The following STMP1 variants were observed in gnomAD, a reference collection of about 807,000 sequenced individuals.
STMP1 encodes the protein mitolamban.
Under a neutral mutation model 7.0 loss-of-function variants are expected in STMP1, and 7 were observed. The observed-to-expected ratio is 1.01, with a 90% CI of 0.57 to 1.89. The LOEUF is 1.89. Ranked by LOEUF, STMP1 falls within the 40% of genes most tolerant of loss-of-function variation. STMP1 has a pLI of 0.00. For missense variants in STMP1, 45 were observed against 53.0 expected, an observed-to-expected ratio of 0.85 and a Z score of 0.47; for synonymous variants, 19 against 18.4, an observed-to-expected ratio of 1.03 and a Z score of -0.08.
At chr7:135,669,814 A>G (rs535457259) in intron 1 of STMP1, among the ~76,000 whole-genome samples, 1 of 152,380 alleles carries the variant, frequency 6.6e-6, no homozygotes, top group Admixed American at 6.5e-5. Context: ...AAAGTGTGAT[A>G]ATGACATAAA....
intron 1 of STMP1, among the ~76,000 whole-genome samples, chr7:135,666,384 T>C (rs547835835): frequency 6.6e-6 from 1 of 152,334 alleles, no homozygotes; most frequent in South Asian, 2.1e-4. Context: ...CGTCTCACTC[T>C]GTCACCCAGG....
chr7:135,662,618 G>A, intron 1 of STMP1, 24 bp downstream of exon 1: 1 of 1,545,216 alleles, frequency 6.5e-7, no homozygotes, highest in East Asian at 2.5e-5. Context: ...CCGAAGAGCG[G>A]GGCCCGCTGC....
At chr7:135,673,912 TGAGTGACA>T (rs1394649397) in intron 2 of STMP1, among the ~76,000 whole-genome samples, 171 bp from the exon 3 acceptor site, 5 of 152,168 alleles carry the variant, frequency 3.3e-5, no homozygotes, top group Non-Finnish European at 5.9e-5. Flanking sequence ...CCCTCCAGCC[TGAGTGACA>T]GAGTGAAACC....
chr7:135,663,462 G>GGCCTCC (rs1795257796), intron 1 of STMP1, among the ~76,000 whole-genome samples: 1 of 150,674 alleles, frequency 6.6e-6, no homozygotes, highest in South Asian at 2.1e-4. Context: ...CTCCCTCCTC[G>GGCCTCC]GCCTCCGGAG....
chr7:135,662,749 C>G lies in STMP1; in HGVS notation c.15+155C>G, dbSNP rs553105268. On this transcript the variant is annotated intron_variant, in intron 1 of 2. Coordinates refer to ENST00000507606, the MANE Select transcript of STMP1 (RefSeq NM_001130929.2). ...CCTGGTCGTCGCCTCGCAGGGCGGC[C>G]GTTTTCTTCCTGCCTCCCCAGAAAA... 1.4e-4 allele frequency among the ~76,000 whole-genome samples: 21 copies of G among 152,348 alleles called. No individual in the cohort carries two copies. The South Asian group carries it at 4.1e-3, about 30-fold the overall frequency.
intron 1 of STMP1, among the ~76,000 whole-genome samples, chr7:135,665,390 C>G (rs1251891283): frequency 6.6e-6 from 1 of 152,160 alleles, no homozygotes; most frequent in East Asian, 1.9e-4. Flanking sequence ...TTGTCCCTAT[C>G]TTGAAGAGAC....
At chr7:135,666,858 T>C (rs771662912) in intron 1 of STMP1, among the ~76,000 whole-genome samples, 10 of 152,238 alleles carry the variant, frequency 6.6e-5, no homozygotes, top group Non-Finnish European at 1.0e-4. Context: ...TGTGGATATG[T>C]ATTTCAGTTC....
chr7:135,664,062 A>G (rs975427591), intron 1 of STMP1, among the ~76,000 whole-genome samples: 1 of 152,236 alleles, frequency 6.6e-6, no homozygotes, highest in Non-Finnish European at 1.5e-5. Context: ...TAATCTGCCC[A>G]GCTAAGACAG....
chr7:135,662,677 G>T (rs993964382), intron 1 of STMP1, 83 bp downstream of exon 1: 2 of 1,470,684 alleles, frequency 1.4e-6, no homozygotes, highest in Non-Finnish European at 1.8e-6. Flanking sequence ...TGCCGACCCC[G>T]CCGACCCGGC....
At chr7:135,663,934 G>A (rs1227747250) in intron 1 of STMP1, among the ~76,000 whole-genome samples, 3 of 152,222 alleles carry the variant, frequency 2.0e-5, no homozygotes, top group East Asian at 1.9e-4. Flanking sequence ...GTGAGCCTCC[G>A]CGCCCGGCCC....
At position 135,676,322 on chromosome 7, in the gene STMP1, C is replaced by G. The variant is rs531797570; in HGVS notation, c.*2157C>G. ...TGTAGACGTGGACGTAAATATCCAC[C>G]TCATAGGGTTTTCATAAAAAATAAT... is the stretch of plus-strand genomic sequence containing the variant. On this transcript the variant is annotated 3_prime_UTR_variant, in exon 3 of 3. Transcript: ENST00000507606. 2 of 152,274 alleles carry G rather than the reference C, an allele frequency of 1.3e-5. No individual in the cohort carries two copies. Among genetic ancestry groups the G allele is most frequent in the African/African-American group, 4.8e-5 (2 of 41,552 alleles). The allele number at this position is 152,274 out of a possible 1,614,324, so 9.4% of individuals were successfully genotyped here. A position where few individuals can be genotyped will look rare whatever the true frequency, so the allele number is the denominator to read the frequency against.
intron 1 of STMP1, among the ~76,000 whole-genome samples, chr7:135,668,996 C>A (rs1214151661): frequency 2.0e-5 from 3 of 152,190 alleles, no homozygotes; most frequent in Non-Finnish European, 4.4e-5. Flanking sequence ...GCTGGGGAGG[C>A]CTCAATCATG....
In STMP1 at chr7:135,671,594, T is replaced by C. The variant is rs541524024; in HGVS notation, c.16-1159T>C. ...AGGAGCCTTGGCCCTTTTGGATATA[T>C]CTAAATTTTCATGAACCAGTTTTTG... On this transcript the variant is annotated intron_variant, in intron 1 of 2. Coordinates refer to ENST00000507606, the MANE Select transcript of STMP1 (RefSeq NM_001130929.2). Among the ~76,000 whole-genome samples the C allele has an allele frequency of 3.3e-5, 5 of 152,318 alleles. No individual in the cohort carries two copies. In the East Asian group the frequency reaches 9.6e-4, roughly 29 times the overall value.
chr7:135,664,186 C>A (rs924535942), intron 1 of STMP1, among the ~76,000 whole-genome samples: 1 of 152,144 alleles, frequency 6.6e-6, no homozygotes, highest in Non-Finnish European at 1.5e-5. Flanking sequence ...AAAGCGGTAT[C>A]ACTTAGCTCC....
chr7:135,665,384 C>G (rs949574269), intron 1 of STMP1, among the ~76,000 whole-genome samples: 1 of 152,188 alleles, frequency 6.6e-6, no homozygotes, highest in African/African-American at 2.4e-5. Flanking sequence ...CTCCCTTTGT[C>G]CCTATCTTGA....
intron 1 of STMP1, among the ~76,000 whole-genome samples, chr7:135,664,339 T>A (rs1412318546): frequency 6.7e-6 from 1 of 149,790 alleles, no homozygotes; most frequent in Non-Finnish European, 1.5e-5. Flanking sequence ...TTTTACTGTG[T>A]GTTAATTTTT....
rs1000530772 is a variant in STMP1 at position 135,662,529 on chromosome 7, C to T, written c.-51C>T. On this transcript the variant is annotated 5_prime_UTR_variant, in exon 1 of 3. Transcript: ENST00000507606. Reference sequence around the variant, plus strand: ...ATGGGGAGGTAGGCTCGGACCGGCCCGCGGAGCTGCTGCAGTCCTTCGCGC... The same window carrying T: ...ATGGGGAGGTAGGCTCGGACCGGCCTGCGGAGCTGCTGCAGTCCTTCGCGC... The T allele has an allele frequency of 1.1e-5, 17 of 1,536,324 alleles. No homozygotes were observed. The highest frequency in any genetic ancestry group is 2.0e-5 in the Admixed American group (1 of 49,948).
intron 1 of STMP1, among the ~76,000 whole-genome samples, chr7:135,663,348 A>T (rs563419575): frequency 1.1e-3 from 169 of 151,500 alleles, no homozygotes; most frequent in African/African-American, 3.8e-3. Flanking sequence ...ATTTTTTTTT[A>T]TTTTTTATTT....
At chr7:135,672,865 C>A (rs1037093140) in intron 2 of STMP1, 59 bp downstream of exon 2, 1 of 1,421,170 alleles carries the variant, frequency 7.0e-7, no homozygotes, top group Non-Finnish European at 9.7e-7. Context: ...AGTGACTTTT[C>A]TTTGTTTGAG....
Sources: allele counts gnomAD v4.1 joint callset (sites outside exome capture counted in the v4.1 genomes callset), GRCh38; gene constraint gnomAD v4.1.1; transcripts MANE v1.5; gene names NCBI Gene and HGNC (gene_info 2026-07-23, HGNC 2026-07-21).